Variants in DMD observed in about 807,000 individuals in gnomAD.
DMD encodes the protein dystrophin.
In DMD, 63 loss-of-function variants were observed where a neutral mutation model predicts 330.1. The observed-to-expected ratio is 0.19, with a 90% CI of 0.16 to 0.24. DMD has a LOEUF of 0.24. DMD is among the 10% of genes least tolerant of loss of function. The pLI, the probability that DMD is intolerant of heterozygous loss-of-function variation, is 1.00. For synonymous variants in DMD, 1,223 were observed against 959.8 expected (o/e 1.27, Z -5.07); for missense variants, 3,344 against 2,684.1 (o/e 1.25, Z -5.43).
At chrX:31,673,217 A>G (rs772417348) in intron 53 of DMD, among the ~76,000 whole-genome samples, 1 of 112,269 alleles carries the variant, frequency 8.9e-6, no homozygotes, top group Admixed American at 9.4e-5. Context: ...GGAGAAAGTG[A>G]CGGGAAAGGC....
chrX:31,128,472 G>C (rs148981466), intron 77 of DMD, among the ~76,000 whole-genome samples: 1,333 of 111,925 alleles, frequency 0.012, 19 homozygotes, highest in African/African-American at 0.041. Flanking sequence ...TGTAACTTTG[G>C]TCTAGTTTTG....
At chrX:33,113,092 C>T (rs1454172406) in intron 1 of DMD, among the ~76,000 whole-genome samples, 4 of 98,605 alleles carry the variant, frequency 4.1e-5, no homozygotes, top group African/African-American at 1.1e-4. Context: ...TTGCTCTTGT[C>T]GCCCAGGCTG....
At chrX:32,848,126 T>C (rs778705147) in intron 3 of DMD, among the ~76,000 whole-genome samples, 1 of 111,803 alleles carries the variant, frequency 8.9e-6, no homozygotes, top group South Asian at 3.8e-4. Flanking sequence ...ACAGGAGAAG[T>C]GATCACGCAG....
chrX:33,027,635 T>G (rs763631238), intron 1 of DMD, among the ~76,000 whole-genome samples: 20 of 112,438 alleles, frequency 1.8e-4, no homozygotes, highest in African/African-American at 6.4e-4. Context: ...GCTTTTTTCC[T>G]TCTAGCTTAG....
chrX:32,703,502 T>A (rs772501979), intron 7 of DMD, among the ~76,000 whole-genome samples: 1 of 112,176 alleles, frequency 8.9e-6, no homozygotes, highest in East Asian at 2.8e-4. Flanking sequence ...CCATATGTGC[T>A]AAGTGATTGT....
At chrX:31,732,797 T>C (rs1407026120) in intron 51 of DMD, among the ~76,000 whole-genome samples, 3 of 111,737 alleles carry the variant, frequency 2.7e-5, no homozygotes, top group African/African-American at 9.8e-5. Context: ...TGACCTCTGG[T>C]CCTTTTCTGT....
intron 1 of DMD, among the ~76,000 whole-genome samples, chrX:33,067,398 G>A (rs570469654): frequency 1.2e-3 from 140 of 112,513 alleles, no homozygotes; most frequent in African/African-American, 4.3e-3. Flanking sequence ...TCCAGGCAAA[G>A]AAAGAAGAGA....
chrX:33,303,085 C>T (rs2053691081), intron 1 of DMD, among the ~76,000 whole-genome samples: 1 of 111,278 alleles, frequency 9.0e-6, no homozygotes, highest in South Asian at 3.8e-4. Flanking sequence ...TTTCATGGCT[C>T]AGTAGCTCAT....
chrX:32,817,860 A>T (rs1343950951), intron 5 of DMD, among the ~76,000 whole-genome samples: 1 of 112,112 alleles, frequency 8.9e-6, no homozygotes, highest in Non-Finnish European at 1.9e-5. Context: ...CATACTTTTA[A>T]AAGATTTGAG....
rs1250864431 is a variant in DMD at position 31,182,660 on chromosome X, C to T, written c.9974+78G>A. 8.0e-6 allele frequency: 8 copies of T among 1,002,350 alleles called. No homozygotes were observed. In the African/African-American group the frequency reaches 1.5e-4, roughly 19 times the overall value. The allele number at this position is 1,002,350 out of a possible 1,213,427, so 82.6% of individuals were successfully genotyped here. A position where few individuals can be genotyped will look rare whatever the true frequency, so the allele number is the denominator to read the frequency against. ...CGGTACGAACTAACAGCAACTGGCA[C>T]AGGAGATAAAAGATCAAGTCATAAA... On this transcript the variant is annotated intron_variant, in intron 68 of 78. Coordinates refer to ENST00000357033, the MANE Select transcript of DMD (RefSeq NM_004006.3).
intron 55 of DMD, among the ~76,000 whole-genome samples, chrX:31,582,286 T>C (rs183147674): frequency 9.0e-6 from 1 of 111,160 alleles, no homozygotes; most frequent in African/African-American, 3.3e-5. Flanking sequence ...TAGAAGGTCT[T>C]TGCGGCAGAT....
chrX:31,240,157 T>C (rs988985896), intron 63 of DMD, among the ~76,000 whole-genome samples: 31 of 110,767 alleles, frequency 2.8e-4, no homozygotes, highest in Non-Finnish European at 4.2e-4. Context: ...TAACTCTCCA[T>C]AGTGCAAGTT....
chrX:32,438,165 A>G, intron 29 of DMD, 76 bp downstream of exon 29: 1 of 1,080,452 alleles, frequency 9.3e-7, no homozygotes, highest in East Asian at 3.0e-5. Context: ...ACTATTGCTC[A>G]TTTTATCTGA....
At chrX:32,637,544 G>A (rs2059183487) in intron 11 of DMD, among the ~76,000 whole-genome samples, 1 of 111,581 alleles carries the variant, frequency 9.0e-6, no homozygotes, top group Admixed American at 9.5e-5. Flanking sequence ...CGGTACCAAT[G>A]TACTGTACTA....
intron 45 of DMD, among the ~76,000 whole-genome samples, chrX:31,936,973 C>G (rs1158802175): frequency 1.8e-5 from 2 of 110,884 alleles, no homozygotes; most frequent in African/African-American, 6.5e-5. Flanking sequence ...TGCACTATGT[C>G]AATTATTGCA....
At chrX:31,227,454 T>C (rs1235693285) in intron 63 of DMD, among the ~76,000 whole-genome samples, 1 of 111,755 alleles carries the variant, frequency 8.9e-6, no homozygotes, top group East Asian at 2.8e-4. Flanking sequence ...GAATAAGCCT[T>C]CTGCTACCAG....
intron 7 of DMD, among the ~76,000 whole-genome samples, chrX:32,726,347 G>T (rs993130507): frequency 9.0e-6 from 1 of 111,229 alleles, no homozygotes; most frequent in Non-Finnish European, 1.9e-5. Context: ...AAACACACAT[G>T]TGGCAGCACA....
chrX:32,335,910 T>C (rs1301842287), intron 41 of DMD, among the ~76,000 whole-genome samples: 1 of 105,827 alleles, frequency 9.4e-6, no homozygotes, highest in Non-Finnish European at 1.9e-5. Context: ...ACATATAACG[T>C]GTATATATGT....
chrX:33,235,375 T>C (rs1260798868), intron 1 of DMD, among the ~76,000 whole-genome samples: 5 of 111,895 alleles, frequency 4.5e-5, no homozygotes, highest in Non-Finnish European at 9.4e-5. Context: ...TGCCAAGTAT[T>C]GATCTAAGCA....
Sources: gnomAD v4.1 joint callset for allele counts (sites outside exome capture counted in the v4.1 genomes callset) on GRCh38, gnomAD v4.1.1 for gene constraint, MANE v1.5 for transcripts, NCBI Gene and HGNC (gene_info 2026-07-23, HGNC 2026-07-21) for gene names.